GFRA1: variants seen among roughly 807,000 people sequenced by gnomAD.
The protein encoded by GFRA1 is GDNF family receptor alpha 1.
Under a neutral mutation model 51.6 loss-of-function variants are expected in GFRA1, and 16 were observed. The observed-to-expected ratio is 0.31, with a 90% CI of 0.21 to 0.47. The LOEUF (loss-of-function observed/expected upper bound fraction) is 0.47. Ranked by LOEUF, GFRA1 falls within the 20% of genes least tolerant of loss-of-function variation. The pLI is 1.00. For missense variants in GFRA1, 530 were observed against 594.3 expected (o/e 0.89, Z 1.13); for synonymous variants, 270 against 241.3 (o/e 1.12, Z -1.10).
intron 6 of GFRA1, among the ~76,000 whole-genome samples, chr10:116,124,780 T>A (rs1589807504): frequency 6.6e-6 from 1 of 152,068 alleles, no homozygotes; most frequent in Admixed American, 6.6e-5. Context: ...CACTGCTCAG[T>A]CCCTCTCACT....
intron 9 of GFRA1, among the ~76,000 whole-genome samples, chr10:116,084,831 T>G (rs1044298937): frequency 1.3e-5 from 2 of 150,878 alleles, no homozygotes; most frequent in Non-Finnish European, 3.0e-5. Context: ...GGTTTAAATA[T>G]CCTGAGCTTT....
intron 4 of GFRA1, among the ~76,000 whole-genome samples, chr10:116,229,282 G>C (rs552929751): frequency 6.6e-6 from 1 of 152,204 alleles, no homozygotes; most frequent in Admixed American, 6.5e-5. Flanking sequence ...GACAAGGAAA[G>C]CGATTACACA....
At chr10:116,261,583 A>G (rs1220278770) in intron 4 of GFRA1, among the ~76,000 whole-genome samples, 1 of 152,194 alleles carries the variant, frequency 6.6e-6, no homozygotes, top group Non-Finnish European at 1.5e-5. Flanking sequence ...TATTCAAATA[A>G]GATGCCTTAA....
intron 5 of GFRA1, among the ~76,000 whole-genome samples, chr10:116,173,047 T>C (rs1961198608): frequency 6.6e-6 from 1 of 152,226 alleles, no homozygotes; most frequent in South Asian, 2.1e-4. Context: ...GAAATTCTCC[T>C]CTCATAACAC....
intron 9 of GFRA1, among the ~76,000 whole-genome samples, chr10:116,087,973 G>A (rs1427338591): frequency 2.6e-5 from 4 of 152,012 alleles, no homozygotes; most frequent in South Asian, 2.1e-4. Context: ...GTAAATGCCC[G>A]GGAAATGCTT....
Position 116,085,851 on chromosome 10 carries a change from G to A in GFRA1, c.1197+3890C>T, listed in dbSNP as rs570561088. 1.1e-4 allele frequency among the ~76,000 whole-genome samples: 16 copies of A among 152,284 alleles called. No individual in the cohort carries two copies. The South Asian group carries it at 1.4e-3, about 14-fold the overall frequency. ...GAAGAAAGAAACCCAGTCTGAAGTC[G>A]GAGCTTTGCCTCTGTACCCCTTATT... On this transcript the variant is annotated intron_variant, in intron 9 of 10. Coordinates refer to ENST00000355422, the MANE Select transcript of GFRA1 (RefSeq NM_005264.8).
rs971148087 is a variant in GFRA1 at position 116,272,062 on chromosome 10, A to C, written c.-33T>G. 43 of 1,534,776 alleles carry C rather than the reference A, an allele frequency of 2.8e-5. No homozygotes were observed. Among genetic ancestry groups the C allele is most frequent in the South Asian group, 8.4e-5 (7 of 83,722 alleles). Reference sequence around the variant, plus strand: ...GCGCGGGGCTGGTCCCCGCCCCCCCAAAAAAATCCCGAGCCGCCGCTGGGT... The same window carrying C: ...GCGCGGGGCTGGTCCCCGCCCCCCCCAAAAAATCCCGAGCCGCCGCTGGGT... On this transcript the variant is annotated 5_prime_UTR_variant, in exon 2 of 11. Transcript: ENST00000355422. The surrounding 1 kb of genome is among the most constrained non-coding windows in gnomAD (Gnocchi z 4.4).
chr10:116,261,209 G>A (rs1010696662), intron 4 of GFRA1, among the ~76,000 whole-genome samples: 1 of 152,158 alleles, frequency 6.6e-6, no homozygotes, highest in Admixed American at 6.6e-5. Flanking sequence ...AAGATATGGA[G>A]GGTTTCAAAT....
At chr10:116,141,782 C>T (rs1958580589) in intron 5 of GFRA1, among the ~76,000 whole-genome samples, 1 of 152,108 alleles carries the variant, frequency 6.6e-6, no homozygotes, top group Non-Finnish European at 1.5e-5. Flanking sequence ...CGGGGTTTTG[C>T]CAAGTTGTCC....
intron 5 of GFRA1, among the ~76,000 whole-genome samples, chr10:116,149,232 A>C (rs549757096): frequency 2.6e-5 from 4 of 152,356 alleles, no homozygotes; most frequent in South Asian, 2.1e-4. Context: ...CTTGAATTCC[A>C]AGAAAGCAAG....
intron 5 of GFRA1, among the ~76,000 whole-genome samples, chr10:116,131,175 C>T (rs1958088633): frequency 6.6e-6 from 1 of 152,112 alleles, no homozygotes; most frequent in African/African-American, 2.4e-5. Context: ...TGTTCAACAT[C>T]ATTAGTTATC....
At chr10:116,145,307 G>C (rs1162971280) in intron 5 of GFRA1, among the ~76,000 whole-genome samples, 2 of 151,952 alleles carry the variant, frequency 1.3e-5, no homozygotes, top group African/African-American at 4.8e-5. Context: ...GAACTCCTAT[G>C]AATCAATATG....
intron 5 of GFRA1, among the ~76,000 whole-genome samples, chr10:116,140,979 C>T (rs973739922): frequency 1.3e-5 from 2 of 152,170 alleles, no homozygotes; most frequent in African/African-American, 4.8e-5. Context: ...GCATCAATGT[C>T]CTGGCACAGA....
chr10:116,185,365 C>T (rs1238831966), intron 5 of GFRA1, among the ~76,000 whole-genome samples: 1 of 152,086 alleles, frequency 6.6e-6, no homozygotes, highest in African/African-American at 2.4e-5. Flanking sequence ...TTAACAGTGC[C>T]ACCCACATTA....
At chr10:116,264,423 C>T (rs1257760978) in intron 4 of GFRA1, among the ~76,000 whole-genome samples, 1 of 151,988 alleles carries the variant, frequency 6.6e-6, no homozygotes. Context: ...AGAAAAGATG[C>T]TTGGTGCTGA....
At chr10:116,273,549 A>C (rs959653545), upstream of GFRA1, 1 of 152,646 alleles carries the variant, frequency 6.6e-6, no homozygotes, top group South Asian at 2.1e-4. Context: ...CCGCAGCTGC[A>C]CACGCCCGCT....
intron 5 of GFRA1, among the ~76,000 whole-genome samples, chr10:116,152,030 AGGAGACT>A (rs1959084201): frequency 1.3e-5 from 2 of 152,178 alleles, no homozygotes; most frequent in African/African-American, 4.8e-5. Context: ...GAAATGATTA[AGGAGACT>A]GCTGTGTCTG....
chr10:116,164,861 G>C (rs189186015), intron 5 of GFRA1, among the ~76,000 whole-genome samples: 1 of 152,102 alleles, frequency 6.6e-6, no homozygotes, highest in African/African-American at 2.4e-5. Flanking sequence ...AGTTGCGGAG[G>C]TCACTGCAAA....
chr10:116,111,580 C>T (rs150239493), intron 6 of GFRA1, among the ~76,000 whole-genome samples: 247 of 152,312 alleles, frequency 1.6e-3, no homozygotes, highest in Middle Eastern at 6.8e-3. Flanking sequence ...GGGGCTCCCT[C>T]TCCTGTGTCC....
Sources: gnomAD v4.1 joint callset for allele counts (sites outside exome capture counted in the v4.1 genomes callset) on GRCh38, gnomAD v4.1.1 for gene constraint, Gnocchi (gnomAD v3.1) non-coding constraint, MANE v1.5 for transcripts, NCBI Gene and HGNC (gene_info 2026-07-23, HGNC 2026-07-21) for gene names.